Variants in CLCN3 observed in about 807,000 individuals in gnomAD.
CLCN3 encodes the protein Cl-/H+ antiporter 3.
A neutral mutation model predicts 83.4 loss-of-function variants in CLCN3; 16 were observed. The observed-to-expected ratio is 0.19, with a 90% CI of 0.13 to 0.29. CLCN3 has a LOEUF of 0.29. Among genes scored for constraint, CLCN3 ranks in the 10% least tolerant of loss-of-function variants. The pLI is 1.00. For missense variants in CLCN3, 544 were observed against 1,006.0 expected (o/e 0.54, Z 6.21); for synonymous variants, 322 against 346.2 (o/e 0.93, Z 0.78).
At chr4:169,699,911 T>C (rs1732711742) in intron 9 of CLCN3, among the ~76,000 whole-genome samples, 1 of 151,890 alleles carries the variant, frequency 6.6e-6, no homozygotes, top group Non-Finnish European at 1.5e-5. Context: ...AAAATAATAA[T>C]AGTAATAGAA....
At chr4:169,714,673 G>A (rs1030563001) in intron 12 of CLCN3, among the ~76,000 whole-genome samples, 2 of 152,006 alleles carry the variant, frequency 1.3e-5, no homozygotes, top group Non-Finnish European at 2.9e-5. Context: ...ATTAGATTGA[G>A]TTAAGAATAG....
At chr4:169,699,686 A>T (rs755159135) in intron 9 of CLCN3, among the ~76,000 whole-genome samples, 2 of 152,134 alleles carry the variant, frequency 1.3e-5, no homozygotes, top group Non-Finnish European at 2.9e-5. Flanking sequence ...GATCGAGACC[A>T]TCCTGGCTAA....
intron 2 of CLCN3, among the ~76,000 whole-genome samples, chr4:169,674,239 T>C (rs1419010296): frequency 6.6e-6 from 1 of 152,234 alleles, no homozygotes; most frequent in East Asian, 1.9e-4. Context: ...TCCATATATT[T>C]TGCAGAATTT....
rs188901583 is a variant in CLCN3 at position 169,674,906 on chromosome 4, A to G, written c.161-5144A>G. On this transcript the variant is annotated intron_variant, in intron 2 of 12. Transcript: ENST00000513761. Reference sequence around the variant, plus strand: ...GCTGGGATTACAGGTGCACACCACCATGCCCAGCTAGTTTTTGTAGAGATG... The same window carrying G: ...GCTGGGATTACAGGTGCACACCACCGTGCCCAGCTAGTTTTTGTAGAGATG... 1.5e-3 allele frequency among the ~76,000 whole-genome samples: 230 copies of G among 152,232 alleles called. 2 individuals are homozygous for G. The highest frequency in any genetic ancestry group is 4.6e-3 in the African/African-American group (192 of 41,538).
rs1212665249 is a variant in CLCN3 at position 169,692,207 on chromosome 4, T to C, written c.823T>C (p.Ser275Pro). 6.2e-7 allele frequency: 1 copy of C among 1,612,946 alleles called. No homozygotes were observed. Among genetic ancestry groups the C allele is most frequent in the Non-Finnish European group, 8.5e-7 (1 of 1,178,948 alleles). ...CATCACATTAGTCCTGGCTGTGGCA[T>C]CAGGTTTGAGTTTAGGAAAAGAAGG... ...KTITLVLAVA[S>P]GLSLGKEGPL... The change falls in exon 7 of 13, where the codon TCA (serine) becomes CCA (proline). Residue 275 changes from serine to proline, a missense_variant. Coordinates refer to ENST00000513761, the MANE Select transcript of CLCN3 (RefSeq NM_001829.4).
Position 169,666,584 on chromosome 4 carries a change from G to A in CLCN3, c.161-13466G>A, listed in dbSNP as rs1731253115. Among the ~76,000 whole-genome samples the A allele has an allele frequency of 3.9e-5, 6 of 152,208 alleles. No individual in the cohort carries two copies. In the South Asian group the frequency reaches 1.2e-3, roughly 31 times the overall value. On this transcript the variant is annotated intron_variant, in intron 2 of 12. Transcript: ENST00000513761. ...GATGGTGATGGTGAAGGGTAAGATT[G>A]TATTTATTGTCCAAAGGCTAAGTGC...
Position 169,720,155 on chromosome 4 carries a change from A to G in CLCN3, c.*158A>G. On this transcript the variant is annotated 3_prime_UTR_variant, in exon 13 of 13. Transcript: ENST00000513761. ...GTTTTTGCAACATGGTTTGCAAATA[A>G]TGCTGGTGGAATGGAGGAGTTGTTT... 1 of 1,076,536 alleles carries G rather than the reference A, an allele frequency of 9.3e-7. No individual in the cohort carries two copies. Among genetic ancestry groups the G allele is most frequent in the Admixed American group, 2.4e-5 (1 of 42,286 alleles). 66.7% of individuals were successfully genotyped at this position (1,076,536 alleles called of 1,614,324 possible).
chr4:169,659,721 A>T, intron 2 of CLCN3, among the ~76,000 whole-genome samples: 1 of 149,966 alleles, frequency 6.7e-6, no homozygotes, highest in African/African-American at 2.4e-5. Flanking sequence ...ATTATAGAGT[A>T]TTTTTTTTTT....
chr4:169,641,275 A>G (rs1027718659), intron 2 of CLCN3, among the ~76,000 whole-genome samples: 3 of 151,626 alleles, frequency 2.0e-5, no homozygotes, highest in Non-Finnish European at 4.4e-5. Flanking sequence ...AAATAAAAAT[A>G]AAAAACCTTT....
chr4:169,669,930 G>C (rs1341352613), intron 2 of CLCN3, among the ~76,000 whole-genome samples: 2 of 152,188 alleles, frequency 1.3e-5, no homozygotes, highest in African/African-American at 4.8e-5. Flanking sequence ...GAACAGAGAA[G>C]TGTCTGTTAA....
At chr4:169,719,451 G>A (rs766566127) in intron 12 of CLCN3, among the ~76,000 whole-genome samples, 7 of 152,172 alleles carry the variant, frequency 4.6e-5, no homozygotes, top group Non-Finnish European at 1.0e-4. Flanking sequence ...GCTACAGAGC[G>A]AGACTCTGTC....
intron 1 of CLCN3, among the ~76,000 whole-genome samples, chr4:169,627,495 G>A (rs534415218): frequency 2.0e-5 from 3 of 151,950 alleles, no homozygotes; most frequent in Non-Finnish European, 4.4e-5. Flanking sequence ...ACTGCCTTAG[G>A]AACAGAAACC....
At chr4:169,691,349 A>T (rs935382132) in intron 6 of CLCN3, among the ~76,000 whole-genome samples, 1 of 152,018 alleles carries the variant, frequency 6.6e-6, no homozygotes, top group Admixed American at 6.5e-5. Context: ...CACTTTTTAT[A>T]ATTACCTTTT....
chr4:169,687,292 A>G (rs751462601), intron 3 of CLCN3, among the ~76,000 whole-genome samples: 13 of 152,298 alleles, frequency 8.5e-5, no homozygotes, highest in South Asian at 4.1e-4. Flanking sequence ...ATTAAAATGC[A>G]GATCTTGGCT....
At chr4:169,691,670 T>A (rs185009960) in intron 6 of CLCN3, among the ~76,000 whole-genome samples, 149 of 152,338 alleles carry the variant, frequency 9.8e-4, no homozygotes, top group African/African-American at 3.5e-3. Context: ...TTACTCATTC[T>A]TGATACATAA....
intron 9 of CLCN3, among the ~76,000 whole-genome samples, chr4:169,698,077 C>A (rs1408506512): frequency 4.6e-5 from 7 of 152,056 alleles, no homozygotes; most frequent in Admixed American, 2.6e-4. Context: ...CTCAAAGCTT[C>A]TTTTTTTCGT....
intron 12 of CLCN3, chr4:169,717,775 A>T: frequency 6.5e-7 from 1 of 1,535,604 alleles, no homozygotes; most frequent in Non-Finnish European, 9.0e-7. Flanking sequence ...AGTTATTAGC[A>T]TAATAATCTG....
At chr4:169,711,753 T>C (rs1049057803) in intron 11 of CLCN3, among the ~76,000 whole-genome samples, 1 of 152,238 alleles carries the variant, frequency 6.6e-6, no homozygotes, top group African/African-American at 2.4e-5. Context: ...GCTGTAGTGT[T>C]CAAAAGGAGT....
chr4:169,710,093 CTTG>C (rs1166252006), intron 11 of CLCN3, among the ~76,000 whole-genome samples: 2 of 152,062 alleles, frequency 1.3e-5, no homozygotes, highest in Non-Finnish European at 2.9e-5. Context: ...AAAAGTAATA[CTTG>C]TTTTTTAAAT....
Sources: gnomAD v4.1 joint callset for allele counts (sites outside exome capture counted in the v4.1 genomes callset) on GRCh38, gnomAD v4.1.1 for gene constraint, MANE v1.5 for transcripts, NCBI Gene and HGNC (gene_info 2026-07-23, HGNC 2026-07-21) for gene names.